CCDC85C: variants seen among roughly 807,000 people sequenced by gnomAD.
CCDC85C encodes the protein coiled-coil domain containing 85C.
Under a neutral mutation model 38.3 loss-of-function variants are expected in CCDC85C, and 18 were observed. The observed-to-expected ratio is 0.47, with a 90% confidence interval of 0.33 to 0.70. The LOEUF is 0.70. CCDC85C is among the 30% of genes least tolerant of loss of function. The pLI, the probability that CCDC85C is intolerant of heterozygous loss-of-function variation, is 0.03. For missense variants in CCDC85C, 566 were observed against 621.2 expected, an observed-to-expected ratio of 0.91 and a Z score of 0.94; for synonymous variants, 264 against 293.8, an observed-to-expected ratio of 0.90 and a Z score of 1.04.
chr14:99,538,653 T>C (rs1897653373), intron 1 of CCDC85C, among the ~76,000 whole-genome samples: 1 of 152,210 alleles, frequency 6.6e-6, no homozygotes, highest in South Asian at 2.1e-4. Context: ...TCCCTCTCCA[T>C]GAGCCCACAA....
chr14:99,512,876 A>G lies in CCDC85C; in HGVS notation c.*2370T>C, dbSNP rs1897161628. The G allele has an allele frequency of 6.6e-6, 1 of 152,240 alleles. No individual in the cohort carries two copies. Among genetic ancestry groups the G allele is most frequent in the African/African-American group, 2.4e-5 (1 of 41,460 alleles). The allele number at this position is 152,240 out of a possible 1,614,324, so 9.4% of individuals were successfully genotyped here. On this transcript the variant is annotated 3_prime_UTR_variant, in exon 6 of 6. Transcript: ENST00000380243. ...ACCTTCTACAGCCCACGGCTCTGCA[A>G]CTGCCACCTGTACTCAGGTACATGG...
rs1273622723 is a variant in CCDC85C at position 99,545,337 on chromosome 14, GC to G, written c.794-9250del. On this transcript the variant is annotated intron_variant, in intron 1 of 5. Coordinates refer to ENST00000380243, the MANE Select transcript of CCDC85C (RefSeq NM_001144995.2). The surrounding 1 kb of genome is among the most constrained non-coding windows in gnomAD (Gnocchi z 4.7). ...TGTGGAGGGGGCAGCTGAATGGAAA[GC>G]CCCGCTCCGGCTCAGTTCATCTAGA... 6.6e-6 allele frequency among the ~76,000 whole-genome samples: 1 copy of G among 152,142 alleles called. No individual in the cohort carries two copies. Among genetic ancestry groups the G allele is most frequent in the East Asian group, 1.9e-4 (1 of 5,186 alleles).
chr14:99,517,183 C>A lies in CCDC85C; in HGVS notation c.976G>T (p.Gly326Cys). 1.3e-6 allele frequency: 2 copies of A among 1,540,846 alleles called. No individual in the cohort carries two copies. Among genetic ancestry groups the A allele is most frequent in the Non-Finnish European group, 1.8e-6 (2 of 1,141,956 alleles). ...AGCTCAGGTGCGGGGCAGGCCGGGC[C>A]CTGGGGAAGGCAATCACACATCTCA... ...PPSYQDSLQNGPACPAPELPS... is the reference protein window; with the variant it reads ...PPSYQDSLQNCPACPAPELPS... The change falls in exon 4 of 6, where the codon GGC becomes TGC. Residue 326 changes from glycine (G) to cysteine (C), a missense_variant and splice_region_variant. Around this residue, in one of 3 missense-constraint regions of CCDC85C, gnomAD observed 286 missense variants for 276.4 expected, o/e 1.03. Coordinates refer to ENST00000380243, the MANE Select transcript of CCDC85C (RefSeq NM_001144995.2).
chr14:99,587,094 T>G (rs1426441793), intron 1 of CCDC85C, among the ~76,000 whole-genome samples: 1 of 152,170 alleles, frequency 6.6e-6, no homozygotes, highest in Non-Finnish European at 1.5e-5. Flanking sequence ...GGACAGCCTC[T>G]GCAAGGAGAC....
chr14:99,602,872 C>T (rs1402807382), intron 1 of CCDC85C, among the ~76,000 whole-genome samples: 2 of 152,218 alleles, frequency 1.3e-5, no homozygotes, highest in African/African-American at 2.4e-5. Flanking sequence ...GCCAGCCCAG[C>T]AGTGACAGAC....
At chr14:99,597,763 T>G (rs79552141) in intron 1 of CCDC85C, among the ~76,000 whole-genome samples, 13,169 of 152,300 alleles carry the variant, frequency 0.086, 692 homozygotes, top group Non-Finnish European at 0.11. Flanking sequence ...CCTGGAATGC[T>G]GGCTCCCTCC....
In CCDC85C at chr14:99,588,005, G is replaced by A. The variant is rs981165621; in HGVS notation, c.793+15162C>T. Among the ~76,000 whole-genome samples the A allele has an allele frequency of 2.6e-5, 4 of 152,086 alleles. No homozygotes were observed. In the South Asian group the frequency reaches 6.2e-4, roughly 24 times the overall value. On this transcript the variant is annotated intron_variant, in intron 1 of 5. Coordinates refer to ENST00000380243, the MANE Select transcript of CCDC85C (RefSeq NM_001144995.2). The surrounding 1 kb of genome is among the most constrained non-coding windows in gnomAD (Gnocchi z 5.0). ...TCCAGTGCCCTCTGGTCTCCCCTCA[G>A]CCCTTCCAGCTCGCCTGTGCCTGCC... is the stretch of plus-strand genomic sequence containing the variant.
At chr14:99,521,458 G>A (rs377278826) in intron 3 of CCDC85C, among the ~76,000 whole-genome samples, 31 of 152,274 alleles carry the variant, frequency 2.0e-4, no homozygotes, top group Non-Finnish European at 3.2e-4. Flanking sequence ...TGCTACAAGC[G>A]CACGTGCTGC....
rs1225511693 is a variant in CCDC85C at position 99,513,761 on chromosome 14, C to T, written c.*1485G>A. ...GAGTCTGACGAGGACCTGGTGAGGTCCTGGACCCAAGAGCTAGGGCTGCTT... is the reference window on the plus strand; with the variant it reads ...GAGTCTGACGAGGACCTGGTGAGGTTCTGGACCCAAGAGCTAGGGCTGCTT... On this transcript the variant is annotated 3_prime_UTR_variant, in exon 6 of 6. Coordinates refer to ENST00000380243, the MANE Select transcript of CCDC85C (RefSeq NM_001144995.2). 2.0e-5 allele frequency: 3 copies of T among 152,494 alleles called. No individual in the cohort carries two copies. The East Asian group carries it at 5.8e-4, about 29-fold the overall frequency. 9.4% of individuals were successfully genotyped at this position (152,494 alleles called of 1,614,324 possible).
At chr14:99,577,326 C>T (rs1437581940) in intron 1 of CCDC85C, among the ~76,000 whole-genome samples, 2 of 147,882 alleles carry the variant, frequency 1.4e-5, no homozygotes, top group African/African-American at 5.0e-5. Flanking sequence ...CTGAGGAGAC[C>T]GAGGCTCAGA....
chr14:99,503,777 C>A lies in CCDC85C; in HGVS notation c.*11469G>T. 1 of 707,336 alleles carries A rather than the reference C, an allele frequency of 1.4e-6. No individual in the cohort carries two copies. The highest frequency in any genetic ancestry group is 2.4e-6 in the Non-Finnish European group (1 of 421,584). 43.8% of individuals were successfully genotyped at this position (707,336 alleles called of 1,614,324 possible). On this transcript the variant is annotated 3_prime_UTR_variant, in exon 6 of 6. Transcript: ENST00000380243. ...ACTTTAGAGCTCATACAAAACTTTT[C>A]CATCAGCATTGTCTTTCTGTTCATC...
intron 2 of CCDC85C, among the ~76,000 whole-genome samples, chr14:99,527,505 G>A (rs1039133992): frequency 6.6e-6 from 1 of 152,214 alleles, no homozygotes; most frequent in African/African-American, 2.4e-5. Flanking sequence ...CAGGAGAGTG[G>A]CCAGTGCCTA....
At chr14:99,590,471 T>G (rs1052626302) in intron 1 of CCDC85C, among the ~76,000 whole-genome samples, 7 of 151,806 alleles carry the variant, frequency 4.6e-5, no homozygotes, top group South Asian at 4.2e-4. Flanking sequence ...TTGTCGGGGG[T>G]ACCGGGGGCC....
At chr14:99,530,815 G>C (rs1006699851) in intron 2 of CCDC85C, among the ~76,000 whole-genome samples, 1 of 152,246 alleles carries the variant, frequency 6.6e-6, no homozygotes, top group African/African-American at 2.4e-5. Context: ...CACACAGCAG[G>C]TGAGCGCTGG....
intron 1 of CCDC85C, among the ~76,000 whole-genome samples, chr14:99,585,783 A>C (rs1367817325): frequency 1.3e-5 from 2 of 152,154 alleles, no homozygotes; most frequent in Non-Finnish European, 2.9e-5. Context: ...CCCTCGGGGC[A>C]CCAGCCAGGT....
In CCDC85C at chr14:99,572,398, GCAATCC is replaced by G. The variant is rs2139963824; in HGVS notation, c.793+30763_793+30768del. Among the ~76,000 whole-genome samples the G allele has an allele frequency of 6.6e-6, 1 of 152,318 alleles. No homozygotes were observed. The highest frequency in any genetic ancestry group is 1.9e-4 in the East Asian group (1 of 5,182). On this transcript the variant is annotated intron_variant, in intron 1 of 5. Transcript: ENST00000380243. The surrounding 1 kb of genome is among the most constrained non-coding windows in gnomAD (Gnocchi z 4.4). ...GCGCTGCGGGCTAGTGTCTCAGCCT[GCAATCC>G]CGGCTCCCACCCCCACCCCAAGGCC...
Position 99,588,853 on chromosome 14 carries a change from G to A in CCDC85C, c.793+14314C>T, listed in dbSNP as rs2055054259. Among the ~76,000 whole-genome samples the A allele has an allele frequency of 6.6e-6, 1 of 152,030 alleles. No homozygotes were observed. Among genetic ancestry groups the A allele is most frequent in the Admixed American group, 6.6e-5 (1 of 15,262 alleles). ...CTTGGGCAAGGCTGACAAAAAGGAT[G>A]GCCTGAGCTCCTACAGCTTCCCCAA... On this transcript the variant is annotated intron_variant, in intron 1 of 5. Transcript: ENST00000380243. This position sits in a 1 kb window ranked among gnomAD's most constrained non-coding sequence, Gnocchi z 5.0.
chr14:99,561,470 C>T (rs1025232666), intron 1 of CCDC85C, among the ~76,000 whole-genome samples: 7 of 152,312 alleles, frequency 4.6e-5, no homozygotes, highest in Admixed American at 1.3e-4. Flanking sequence ...TCTGCTGGTA[C>T]TTGGTCTCCC....
intron 1 of CCDC85C, among the ~76,000 whole-genome samples, chr14:99,599,934 A>G (rs375595902): frequency 6.6e-6 from 1 of 152,242 alleles, no homozygotes; most frequent in South Asian, 2.1e-4. Context: ...GCATGTACAT[A>G]CACAATACAC....
Sources: allele counts gnomAD v4.1 joint callset (sites outside exome capture counted in the v4.1 genomes callset), GRCh38; gene constraint gnomAD v4.1.1; regional missense constraint gnomAD v4.1.1; non-coding constraint Gnocchi (gnomAD v3.1); transcripts MANE v1.5; gene names NCBI Gene and HGNC (gene_info 2026-07-23, HGNC 2026-07-21).